Variants in EYS observed in about 807,000 individuals in gnomAD.
EYS encodes the protein EGF-like photoreceptor maintenance factor.
EYS carries 250 observed loss-of-function variants against 282.1 expected under a neutral mutation model. That is an observed-to-expected ratio of 0.89 (90% CI 0.80 to 0.98). EYS has a LOEUF of 0.98. EYS is among the 50% of genes least tolerant of loss of function. The pLI, the probability that EYS is intolerant of heterozygous loss-of-function variation, is 0.00. For synonymous variants in EYS, 1,355 were observed against 1,282.9 expected, an observed-to-expected ratio of 1.06 and a Z score of -1.20; for missense variants, 4,016 against 3,709.0, an observed-to-expected ratio of 1.08 and a Z score of -2.15.
chr6:65,325,068 A>C (rs1769582489), intron 11 of EYS, among the ~76,000 whole-genome samples: 1 of 152,190 alleles, frequency 6.6e-6, no homozygotes, highest in Admixed American at 6.5e-5. Context: ...GTACACCCCC[A>C]GGCAGCTGGC....
chr6:65,028,816 C>T (rs1270779117), intron 13 of EYS, among the ~76,000 whole-genome samples: 1 of 151,994 alleles, frequency 6.6e-6, no homozygotes. Context: ...GTTAAAGAAT[C>T]TTTCACCCAC....
chr6:65,107,720 A>T (rs1208474746), intron 12 of EYS, among the ~76,000 whole-genome samples: 1 of 151,632 alleles, frequency 6.6e-6, no homozygotes, highest in Non-Finnish European at 1.5e-5. Flanking sequence ...CAATATTCTG[A>T]CAATTTCTGC....
intron 18 of EYS, among the ~76,000 whole-genome samples, chr6:64,892,295 A>G (rs375595769): frequency 5.9e-5 from 9 of 152,012 alleles, no homozygotes; most frequent in Non-Finnish European, 1.2e-4. Flanking sequence ...TTTAAAATAT[A>G]ATTATTAAAT....
intron 12 of EYS, among the ~76,000 whole-genome samples, chr6:65,125,440 A>G (rs1214429540): frequency 6.6e-6 from 1 of 152,182 alleles, no homozygotes; most frequent in Non-Finnish European, 1.5e-5. Context: ...TGTTGCCTAG[A>G]ACAATAATGA....
At chr6:65,656,727 A>G (rs763959715) in intron 1 of EYS, among the ~76,000 whole-genome samples, 3 of 152,006 alleles carry the variant, frequency 2.0e-5, no homozygotes, top group Non-Finnish European at 4.4e-5. Flanking sequence ...GCAAGTGCTA[A>G]TGTAGAAGCT....
intron 12 of EYS, among the ~76,000 whole-genome samples, chr6:65,234,602 T>C (rs1279649291): frequency 6.6e-6 from 1 of 152,212 alleles, no homozygotes; most frequent in Non-Finnish European, 1.5e-5. Context: ...TCTCCTTTCT[T>C]ACCAATCACT....
At position 64,448,841 on chromosome 6, in the gene EYS, C is replaced by G. The variant is rs890510558; in HGVS notation, c.5645-9489G>C. Among the ~76,000 whole-genome samples the G allele has an allele frequency of 5.3e-5, 8 of 152,192 alleles. No individual in the cohort carries two copies. The East Asian group carries it at 1.4e-3, about 26-fold the overall frequency. On this transcript the variant is annotated intron_variant, in intron 26 of 42. Coordinates refer to ENST00000503581, the MANE Select transcript of EYS (RefSeq NM_001142800.2). ...TAACAAACAGAAAGGACATCCACAC[C>G]AAAAACCCATCTGTATGTCACCATC...
chr6:65,109,557 A>C (rs138932374), intron 12 of EYS, among the ~76,000 whole-genome samples: 1 of 151,816 alleles, frequency 6.6e-6, no homozygotes, highest in African/African-American at 2.4e-5. Context: ...GAGAAGGTAA[A>C]GTTTTGAGAG....
rs900513356 is a variant in EYS, at chr6:64,289,758, T to C, written c.6191+17212A>G. On this transcript the variant is annotated intron_variant, in intron 30 of 42. Coordinates refer to ENST00000503581, the MANE Select transcript of EYS (RefSeq NM_001142800.2). ...TATATATTTACTGTGAATAAATGAA[T>C]GAATGAATGAATGAATACTCCAGGA... Among the ~76,000 whole-genome samples the C allele has an allele frequency of 4.6e-5, 7 of 152,062 alleles. No homozygotes were observed. The South Asian group carries it at 6.2e-4, about 14-fold the overall frequency.
Position 64,999,775 on chromosome 6 carries a change from G to C in EYS, c.2138-2072C>G, listed in dbSNP as rs959008152. Reference sequence around the variant, plus strand: ...CAGGAGGAACGCACTGACAAGCGCCGGCACGCTGGAGCTCCAGAACAACAT... The same window carrying C: ...CAGGAGGAACGCACTGACAAGCGCCCGCACGCTGGAGCTCCAGAACAACAT... On this transcript the variant is annotated intron_variant, in intron 13 of 42. Coordinates refer to ENST00000503581, the MANE Select transcript of EYS (RefSeq NM_001142800.2). 8.5e-5 allele frequency among the ~76,000 whole-genome samples: 13 copies of C among 152,274 alleles called. No individual in the cohort carries two copies. The East Asian group carries it at 1.9e-3, about 23-fold the overall frequency.
chr6:64,418,233 AT>A (rs1172896601), intron 28 of EYS, among the ~76,000 whole-genome samples: 1 of 152,162 alleles, frequency 6.6e-6, no homozygotes, highest in Non-Finnish European at 1.5e-5. Context: ...TTAAAAAAAA[AT>A]AACTCTCTGC....
rs528738591 is a variant in EYS at position 64,666,576 on chromosome 6, G to A, written c.3444-40331C>T. 5.3e-5 allele frequency among the ~76,000 whole-genome samples: 8 copies of A among 152,254 alleles called. No homozygotes were observed. The South Asian group carries it at 1.5e-3, about 28-fold the overall frequency. ...TGTTACTGTTTCTTTGGGCTGTAAT[G>A]TCTGTTGTCTTCTTTTCATTAAATT... On this transcript the variant is annotated intron_variant, in intron 22 of 42. Transcript: ENST00000503581.
intron 35 of EYS, among the ~76,000 whole-genome samples, chr6:63,970,827 G>T (rs1029626550): frequency 1.3e-5 from 2 of 152,142 alleles, no homozygotes; most frequent in African/African-American, 4.8e-5. Context: ...ATGAGAGGAA[G>T]GAAACTGGAA....
chr6:64,132,584 AGT>A (rs1276540336), intron 31 of EYS, among the ~76,000 whole-genome samples: 1 of 151,998 alleles, frequency 6.6e-6, no homozygotes, highest in African/African-American at 2.4e-5. Flanking sequence ...GGTGAAAGAA[AGT>A]GTCTCTCATG....
intron 22 of EYS, among the ~76,000 whole-genome samples, chr6:64,778,832 TA>T (rs1773765723): frequency 6.6e-6 from 1 of 152,008 alleles, no homozygotes; most frequent in Non-Finnish European, 1.5e-5. Context: ...AAAATTACAT[TA>T]TGTGCAAAAG....
At chr6:65,509,498 CCTTCATAT>C (rs1253427218) in intron 2 of EYS, among the ~76,000 whole-genome samples, 3 of 152,000 alleles carry the variant, frequency 2.0e-5, no homozygotes, top group African/African-American at 7.3e-5. Context: ...TTGTTTGCCA[CCTTCATAT>C]CTTCTTTGGT....
In EYS at chr6:64,449,106, A is replaced by T. The variant is rs1325078079; in HGVS notation, c.5645-9754T>A. ...CAATGGCAAAGAAGATAAAAACTTT[A>T]AAAAAAAATTAGACGAATGGATAAC... On this transcript the variant is annotated intron_variant, in intron 26 of 42. Coordinates refer to ENST00000503581, the MANE Select transcript of EYS (RefSeq NM_001142800.2). Among the ~76,000 whole-genome samples the T allele has an allele frequency of 3.3e-5, 5 of 151,012 alleles. No homozygotes were observed. The East Asian group carries it at 5.8e-4, about 18-fold the overall frequency.
Position 63,958,821 on chromosome 6 carries a change from A to G in EYS, c.7055+25562T>C, listed in dbSNP as rs1487326260. Among the ~76,000 whole-genome samples, 3 of 152,298 alleles carry G rather than the reference A, an allele frequency of 2.0e-5. No homozygotes were observed. In the East Asian group the frequency reaches 5.8e-4, roughly 29 times the overall value. ...AAAAAGCCTGGATTACAGGATCTCT[A>G]CAGCATGGTTTATGGAATAAGTTAA... On this transcript the variant is annotated intron_variant, in intron 35 of 42. Transcript: ENST00000503581.
intron 42 of EYS, 146 bp downstream of exon 42, chr6:63,726,373 T>A: frequency 2.8e-6 from 2 of 717,640 alleles, no homozygotes; most frequent in Non-Finnish European, 4.3e-6. Context: ...GCTTCTAAAT[T>A]CATACGCATA....
Sources: allele counts gnomAD v4.1 joint callset (sites outside exome capture counted in the v4.1 genomes callset), GRCh38; gene constraint gnomAD v4.1.1; transcripts MANE v1.5; gene names NCBI Gene and HGNC (gene_info 2026-07-23, HGNC 2026-07-21).